Variants in PLPPR4 observed in about 807,000 individuals in gnomAD.
The protein encoded by PLPPR4 is phospholipid phosphatase-related protein type 4.
In PLPPR4, 24 loss-of-function variants were observed where a neutral mutation model predicts 56.6. That is an observed-to-expected ratio of 0.42 (90% CI 0.31 to 0.60). The LOEUF is 0.60. PLPPR4 is among the 20% of genes least tolerant of loss of function. PLPPR4 has a pLI of 0.13. For synonymous variants in PLPPR4, 326 were observed against 328.1 expected (o/e 0.99, Z 0.07); for missense variants, 654 against 885.8 (o/e 0.74, Z 3.32).
At chr1:99,294,450 C>CG (rs1553192845) in intron 2 of PLPPR4, among the ~76,000 whole-genome samples, 1 of 151,896 alleles carries the variant, frequency 6.6e-6, no homozygotes, top group East Asian at 1.9e-4. Context: ...AATCCCAGCA[C>CG]TTTAGGAGGC....
At chr1:99,303,336 G>A (rs1659933990) in intron 6 of PLPPR4, among the ~76,000 whole-genome samples, 2 of 152,106 alleles carry the variant, frequency 1.3e-5, no homozygotes, top group East Asian at 3.9e-4. Flanking sequence ...AATGACAGAT[G>A]AAGCAGATTT....
Position 99,296,874 on chromosome 1 carries a change from G to T in PLPPR4, c.394+7G>T, listed in dbSNP as rs778369668. The stretch of plus-strand genomic sequence containing the variant: ...CGAGCTGTCAGATTCGTTGGTGGGT[G>T]TGGGGAACCACAAAGAAAAGAAATG... On this transcript the variant is annotated splice_region_variant and intron_variant, in intron 3 of 6. Coordinates refer to ENST00000370185, the MANE Select transcript of PLPPR4 (RefSeq NM_014839.5). The T allele has an allele frequency of 6.5e-7, 1 of 1,536,032 alleles. No homozygotes were observed. The highest frequency in any genetic ancestry group is 1.3e-5 in the South Asian group (1 of 77,860).
upstream of PLPPR4, among the ~76,000 whole-genome samples, chr1:99,263,597 CT>C (rs1257714335): frequency 1.3e-5 from 2 of 152,112 alleles, no homozygotes; most frequent in African/African-American, 4.8e-5. Context: ...TTTGCTGGGT[CT>C]TTCTCTCTTC....
intron 1 of PLPPR4, among the ~76,000 whole-genome samples, chr1:99,281,963 T>G (rs887203506): frequency 6.6e-6 from 1 of 152,180 alleles, no homozygotes; most frequent in Non-Finnish European, 1.5e-5. Context: ...ACTAAAATAA[T>G]TTAACCTTGA....
upstream of PLPPR4, chr1:99,264,147 G>A (rs712897): frequency 0.012 from 4,960 of 430,508 alleles, 219 homozygotes; most frequent in African/African-American, 0.093. Flanking sequence ...GGCTCCCCAG[G>A]AGGAGACTAG....
intron 2 of PLPPR4, among the ~76,000 whole-genome samples, chr1:99,291,419 T>C (rs1007304322): frequency 1.3e-5 from 2 of 152,218 alleles, no homozygotes; most frequent in Non-Finnish European, 2.9e-5. Context: ...CCAATCCCAT[T>C]ACTGGGTATA....
upstream of PLPPR4, among the ~76,000 whole-genome samples, chr1:99,263,044 TA>T (rs1440419620): frequency 1.3e-5 from 2 of 152,120 alleles, no homozygotes; most frequent in Non-Finnish European, 2.9e-5. Context: ...CTAAGTGAAA[TA>T]AGAGTTAATG....
rs530930198 is a variant in PLPPR4 at position 99,308,316 on chromosome 1, A to G, written c.*1306A>G. On this transcript the variant is annotated 3_prime_UTR_variant, in exon 7 of 7. Transcript: ENST00000370185. ...ACAAATTAAGAATGACTTTCTTCAA[A>G]ATATCTGAATAGGTGCAGTTTTAGT... The G allele has an allele frequency of 6.6e-5, 10 of 152,324 alleles. No homozygotes were observed. The highest frequency in any genetic ancestry group is 2.4e-4 in the African/African-American group (10 of 41,572). 9.4% of individuals were successfully genotyped at this position (152,324 alleles called of 1,614,324 possible). A position where few individuals can be genotyped will look rare whatever the true frequency, so the allele number is the denominator to read the frequency against.
Position 99,302,761 on chromosome 1 carries a change from G to A in PLPPR4, c.822+864G>A, listed in dbSNP as rs190429279. 6.2e-5 allele frequency among the ~76,000 whole-genome samples: 9 copies of A among 145,532 alleles called. No homozygotes were observed. The East Asian group carries it at 1.4e-3, about 23-fold the overall frequency. On this transcript the variant is annotated intron_variant, in intron 6 of 6. Coordinates refer to ENST00000370185, the MANE Select transcript of PLPPR4 (RefSeq NM_014839.5). ...TTCCCATCTATGAGTGAGAACATGC[G>A]GTGTTTGGTTTTTTATCTTTGTGAT...
rs1236765695 is a variant in PLPPR4 at position 99,306,842 on chromosome 1, A to G, written c.1980A>G (p.Val660=). Residue 660 remains valine (V), a synonymous_variant, in exon 7 of 7, where the codon GTA becomes GTG. Coordinates refer to ENST00000370185, the MANE Select transcript of PLPPR4 (RefSeq NM_014839.5). This position sits in a 1 kb window ranked among gnomAD's most constrained non-coding sequence, Gnocchi z 4.0. The part of the protein sequence containing the change: ...HGITTIRVTP[V]EGSEIGSETL... ...TTACCACCATCCGCGTCACCCCAGTAGAGGGCAGCGAAATTGGCTCAGAGA... is the reference window on the plus strand; with the variant it reads ...TTACCACCATCCGCGTCACCCCAGTGGAGGGCAGCGAAATTGGCTCAGAGA... 6.2e-7 allele frequency: 1 copy of G among 1,614,144 alleles called. No homozygotes were observed.
intron 5 of PLPPR4, 47 bp from the exon 6 acceptor site, chr1:99,301,677 T>TA: frequency 7.5e-7 from 1 of 1,341,108 alleles, no homozygotes; most frequent in Non-Finnish European, 1.0e-6. Context: ...AATTTACTAA[T>TA]AAAATGGCCT....
intron 6 of PLPPR4, among the ~76,000 whole-genome samples, chr1:99,304,163 A>G (rs1659956582): frequency 6.6e-6 from 1 of 152,238 alleles, no homozygotes. Flanking sequence ...TGGACCCCAT[A>G]TATAATACCA....
At chr1:99,273,228 A>G (rs1043122253) in intron 1 of PLPPR4, among the ~76,000 whole-genome samples, 1 of 152,136 alleles carries the variant, frequency 6.6e-6, no homozygotes, top group African/African-American at 2.4e-5. Flanking sequence ...GTCAAGCAAC[A>G]TAGAGGAGGT....
intron 1 of PLPPR4, among the ~76,000 whole-genome samples, chr1:99,271,785 T>C (rs1002256712): frequency 1.3e-5 from 2 of 151,898 alleles, no homozygotes; most frequent in Non-Finnish European, 2.9e-5. Flanking sequence ...GTAGAATATG[T>C]AGGTGTGTCC....
rs111779332 is a variant in PLPPR4, at chr1:99,285,453, G to A, written c.79-2512G>A. Among the ~76,000 whole-genome samples the A allele has an allele frequency of 4.9e-4, 75 of 152,048 alleles. 1 individual carries two copies. The highest frequency in any genetic ancestry group is 5.1e-4 in the Non-Finnish European group (35 of 68,000). On this transcript the variant is annotated intron_variant, in intron 1 of 6. Transcript: ENST00000370185. ...TGGTCAAGACTGAAAGCTACTATTCGTGCACTATAGGAGAGGGAAGTAGTG... is the reference window on the plus strand; with the variant it reads ...TGGTCAAGACTGAAAGCTACTATTCATGCACTATAGGAGAGGGAAGTAGTG...
At position 99,305,932 on chromosome 1, in the gene PLPPR4, T is replaced by C; in HGVS notation, c.1070T>C (p.Met357Thr). Residue 357 changes from methionine to threonine, a missense_variant, in exon 7 of 7, where the codon ATG becomes ACG. Met to Thr is a moderately conservative substitution (Grantham distance 81). Transcript: ENST00000370185. ...GAAATCATTACTCCACGGAGCCCCA[T>C]GGGGAAGGAGAACATGGTTACCTTC... ...DVEIITPRSP[M>T]GKENMVTFSN... 6 of 1,614,050 alleles carry C rather than the reference T, an allele frequency of 3.7e-6. No homozygotes were observed. Among genetic ancestry groups the C allele is most frequent in the Non-Finnish European group, 5.1e-6 (6 of 1,179,998 alleles).
In PLPPR4 at chr1:99,306,506, T is replaced by C; in HGVS notation, c.1644T>C (p.Thr548=). The C allele has an allele frequency of 1.1e-5, 17 of 1,614,102 alleles. No individual in the cohort carries two copies. The highest frequency in any genetic ancestry group is 1.4e-5 in the Non-Finnish European group (16 of 1,180,008). The change falls in exon 7 of 7, where the codon ACT becomes ACC. Residue 548 remains threonine (T), a synonymous_variant. Coordinates refer to ENST00000370185, the MANE Select transcript of PLPPR4 (RefSeq NM_014839.5). This position sits in a 1 kb window ranked among gnomAD's most constrained non-coding sequence, Gnocchi z 4.0. ...QGVLQSSPKN[T]EGSTVSCTGS... ...TCCTCCAAAGCAGCCCCAAGAACACTGAAGGCAGCACGGTCTCCTGCACTG... is the reference window on the plus strand; with the variant it reads ...TCCTCCAAAGCAGCCCCAAGAACACCGAAGGCAGCACGGTCTCCTGCACTG...
At chr1:99,296,161 T>G (rs1480390555) in intron 2 of PLPPR4, among the ~76,000 whole-genome samples, 1 of 152,208 alleles carries the variant, frequency 6.6e-6, no homozygotes, top group African/African-American at 2.4e-5. Flanking sequence ...ACCTAGATTC[T>G]CTTGTAATCT....
chr1:99,288,697 T>C (rs776035971), intron 2 of PLPPR4, among the ~76,000 whole-genome samples: 1 of 152,130 alleles, frequency 6.6e-6, no homozygotes, highest in African/African-American at 2.4e-5. Flanking sequence ...ATAAACTGTT[T>C]TATATTCAGA....
Sources: allele counts gnomAD v4.1 joint callset (sites outside exome capture counted in the v4.1 genomes callset), GRCh38; gene constraint gnomAD v4.1.1; non-coding constraint Gnocchi (gnomAD v3.1); transcripts MANE v1.5; gene names NCBI Gene and HGNC (gene_info 2026-07-23, HGNC 2026-07-21).